The following HDX variants were observed in gnomAD, a reference collection of about 807,000 sequenced individuals.
The protein encoded by HDX is highly divergent homeobox.
A neutral mutation model predicts 45.2 loss-of-function variants in HDX; 19 were observed. The ratio of observed to expected loss-of-function variants is 0.42; its 90% CI spans 0.29 to 0.62. The LOEUF (loss-of-function observed/expected upper bound fraction) is 0.62. HDX is among the 20% of genes least tolerant of loss of function. The probability of loss-of-function intolerance (pLI) is 0.20; values close to 1 mark genes in which losing one functional copy is unlikely to be tolerated. For missense variants in HDX, 532 were observed against 493.9 expected (o/e 1.08, Z -0.73); for synonymous variants, 188 against 172.8 (o/e 1.09, Z -0.69).
chrX:84,322,032 T>C lies in HDX; in HGVS notation c.1948-18A>G, dbSNP rs2036607961. The C allele has an allele frequency of 2.8e-6, 3 of 1,088,272 alleles. No homozygotes were observed. Among genetic ancestry groups the C allele is most frequent in the South Asian group, 2.2e-5 (1 of 44,833 alleles). 89.7% of individuals were successfully genotyped at this position (1,088,272 alleles called of 1,213,427 possible). A position where few individuals can be genotyped will look rare whatever the true frequency, so the allele number is the denominator to read the frequency against. On this transcript the variant is annotated intron_variant, in intron 10 of 10. Transcript: ENST00000373177. The stretch of plus-strand genomic sequence containing the variant: ...AGCAGTGCCTGAATAAAAAAAATAA[T>C]ATTTTTGGATTAGTATGTGGATAGA...
chrX:84,388,855 G>T (rs2038379181), intron 5 of HDX, among the ~76,000 whole-genome samples: 1 of 111,652 alleles, frequency 9.0e-6, no homozygotes, highest in Non-Finnish European at 1.9e-5. Flanking sequence ...GTGGGTAAGG[G>T]ACACTGTGGC....
chrX:84,371,754 C>A (rs1220920180), intron 5 of HDX, among the ~76,000 whole-genome samples: 1 of 111,326 alleles, frequency 9.0e-6, no homozygotes, highest in Non-Finnish European at 1.9e-5. Flanking sequence ...ATGCTTATTG[C>A]CTATTTTTAT....
chrX:84,485,444 C>T (rs757409203), intron 2 of HDX, among the ~76,000 whole-genome samples: 2 of 112,253 alleles, frequency 1.8e-5, no homozygotes, highest in Admixed American at 9.4e-5. Context: ...CACTCCATCA[C>T]GCAGGCTGGA....
rs192530497 is a variant in HDX at position 84,336,966 on chromosome X, C to T, written c.1661-86G>A. 1.7e-4 allele frequency: 105 copies of T among 602,294 alleles called. 1 individual carries two copies. In the East Asian group the frequency reaches 3.2e-3, roughly 18 times the overall value. 49.6% of individuals were successfully genotyped at this position (602,294 alleles called of 1,213,427 possible). On this transcript the variant is annotated intron_variant, in intron 7 of 10. Transcript: ENST00000373177. The stretch of plus-strand genomic sequence containing the variant: ...TTTCAAGGTCATTTAAATAATTTCT[C>T]TATTATAAAAAGACACAAATGGCAA...
intron 5 of HDX, among the ~76,000 whole-genome samples, chrX:84,421,125 C>G (rs192953636): frequency 6.2e-4 from 69 of 111,695 alleles, no homozygotes; most frequent in African/African-American, 2.2e-3. Flanking sequence ...ATAAAAAACA[C>G]AGAATATTAT....
At chrX:84,401,510 C>T (rs1220683924) in intron 5 of HDX, among the ~76,000 whole-genome samples, 2 of 111,884 alleles carry the variant, frequency 1.8e-5, no homozygotes, top group African/African-American at 6.5e-5. Context: ...CAATGAGATA[C>T]CATCTCACAC....
intron 4 of HDX, among the ~76,000 whole-genome samples, chrX:84,442,954 A>T (rs762300273): frequency 5.7e-4 from 64 of 111,874 alleles, no homozygotes; most frequent in Non-Finnish European, 1.0e-3. Context: ...TACATTTGAG[A>T]AATATAAAAT....
intron 4 of HDX, among the ~76,000 whole-genome samples, chrX:84,461,762 A>G (rs1190011076): frequency 1.8e-5 from 2 of 111,573 alleles, no homozygotes; most frequent in Non-Finnish European, 3.8e-5. Flanking sequence ...CCTACAAACT[A>G]CCTGTCTGAT....
chrX:84,498,378 G>A (rs1039698456), intron 1 of HDX, among the ~76,000 whole-genome samples: 1 of 111,478 alleles, frequency 9.0e-6, no homozygotes, highest in Non-Finnish European at 1.9e-5. Context: ...GGATATCAGT[G>A]ATAGCTTCTG....
chrX:84,365,492 G>A (rs2037727619), intron 5 of HDX, among the ~76,000 whole-genome samples: 1 of 111,569 alleles, frequency 9.0e-6, no homozygotes, highest in African/African-American at 3.3e-5. Context: ...TCTGTGGGAG[G>A]CAAGCTTTGT....
At chrX:84,330,617 C>A (rs1410963478) in intron 9 of HDX, among the ~76,000 whole-genome samples, 1 of 111,394 alleles carries the variant, frequency 9.0e-6, no homozygotes, top group Non-Finnish European at 1.9e-5. Context: ...TATACGTTAT[C>A]ATTATAGTAG....
chrX:84,419,465 G>C (rs1036502066), intron 5 of HDX, among the ~76,000 whole-genome samples: 2 of 111,936 alleles, frequency 1.8e-5, no homozygotes, highest in African/African-American at 6.5e-5. Flanking sequence ...AAAGAAAATG[G>C]AAGAATGGGA....
At chrX:84,370,384 C>G (rs1015578200) in intron 5 of HDX, among the ~76,000 whole-genome samples, 15 of 111,921 alleles carry the variant, frequency 1.3e-4, no homozygotes, top group Non-Finnish European at 3.8e-5. Context: ...TTCTTTATCT[C>G]CATCCAATCT....
At chrX:84,399,249 C>A (rs2038639833) in intron 5 of HDX, among the ~76,000 whole-genome samples, 1 of 96,963 alleles carries the variant, frequency 1.0e-5, no homozygotes, top group Non-Finnish European at 2.1e-5. Flanking sequence ...GAGACACAAA[C>A]CCCCCCCCAA....
intron 4 of HDX, among the ~76,000 whole-genome samples, chrX:84,444,544 G>A (rs2205922): frequency 9.1e-6 from 1 of 109,507 alleles, no homozygotes; most frequent in South Asian, 3.9e-4. Flanking sequence ...ATAGTCTGGA[G>A]ATAATGGAAA....
At chrX:84,349,419 G>A (rs1442142984) in intron 6 of HDX, among the ~76,000 whole-genome samples, 1 of 97,849 alleles carries the variant, frequency 1.0e-5, no homozygotes, top group African/African-American at 3.8e-5. Flanking sequence ...GTGTGTGTGT[G>A]TGTGTGTGTG....
rs754327194 is a variant in HDX at position 84,321,870 on chromosome X, A to G, written c.*19T>C. On this transcript the variant is annotated 3_prime_UTR_variant, in exon 11 of 11. Coordinates refer to ENST00000373177, the MANE Select transcript of HDX (RefSeq NM_001177479.2). ...TTACGAAGCCAAAAGACTGTATCAT[A>G]TATTCCCTCCAACTGAAATCACAAA... is the stretch of plus-strand genomic sequence containing the variant. 1.0e-5 allele frequency: 12 copies of G among 1,182,607 alleles called. No homozygotes were observed. The highest frequency in any genetic ancestry group is 4.6e-5 in the Admixed American group (2 of 43,931).
intron 6 of HDX, among the ~76,000 whole-genome samples, chrX:84,349,572 T>C (rs1199509387): frequency 1.1e-5 from 1 of 93,056 alleles, no homozygotes; most frequent in Non-Finnish European, 2.1e-5. Flanking sequence ...TGTATATATA[T>C]GTGTATATAT....
At chrX:84,368,908 C>G (rs1047249626) in intron 5 of HDX, among the ~76,000 whole-genome samples, 4 of 110,946 alleles carry the variant, frequency 3.6e-5, no homozygotes, top group Non-Finnish European at 7.5e-5. Flanking sequence ...CTTGCATGCA[C>G]AGTTCACAAT....
Sources: gnomAD v4.1 joint callset for allele counts (sites outside exome capture counted in the v4.1 genomes callset) on GRCh38, gnomAD v4.1.1 for gene constraint, MANE v1.5 for transcripts, NCBI Gene and HGNC (gene_info 2026-07-23, HGNC 2026-07-21) for gene names.